The following MYLK variants were observed in gnomAD, a reference collection of about 807,000 sequenced individuals.
The protein encoded by MYLK is myosin light chain kinase, also known as myosin light chain kinase, smooth muscle.
A neutral mutation model predicts 203.4 loss-of-function variants in MYLK; 106 were observed. That is an observed-to-expected ratio of 0.52 (90% CI 0.45 to 0.61). The LOEUF (loss-of-function observed/expected upper bound fraction) is 0.61, where lower values mean the gene tolerates loss of function less well. MYLK is among the 20% of genes least tolerant of loss of function. MYLK has a pLI of 0.00. For synonymous variants in MYLK, 867 were observed against 959.5 expected (o/e 0.90, Z 1.78); for missense variants, 2,072 against 2,442.3 (o/e 0.85, Z 3.20).
chr3:123,708,884 G>A lies in MYLK; in HGVS notation c.1954C>T (p.Pro652Ser). The A allele has an allele frequency of 2.5e-6, 4 of 1,614,042 alleles. No individual in the cohort carries two copies. The highest frequency in any genetic ancestry group is 3.4e-6 in the Non-Finnish European group (4 of 1,179,926). Reference protein sequence around the residue: ...MTVQVSGNPPPEVIWLHNGNE... With the variant: ...MTVQVSGNPPSEVIWLHNGNE... ...CCATTGTGCAGCCAGATGACTTCAGGGGGTGGATTCCCTGAACCAGGAGGA... is the reference window on the plus strand; with the variant it reads ...CCATTGTGCAGCCAGATGACTTCAGAGGGTGGATTCCCTGAACCAGGAGGA... The change falls in exon 15 of 34, where the codon CCT becomes TCT. Residue 652 changes from proline to serine, a missense_variant. Pro to Ser is a moderately conservative substitution (Grantham distance 74). This residue lies in a region of MYLK where 865 missense variants were observed against 1,016.0 expected (regional missense o/e 0.85). Transcript: ENST00000360304.
At chr3:123,876,483 T>C (rs116634927) in intron 2 of MYLK, 76 bp downstream of exon 2, 1 of 152,316 alleles carries the variant, frequency 6.6e-6, no homozygotes, top group East Asian at 1.9e-4. Context: ...TGAGAAACTA[T>C]AAAGTGATAC....
At chr3:123,831,081 C>T (rs976675431) in intron 3 of MYLK, among the ~76,000 whole-genome samples, 1 of 152,130 alleles carries the variant, frequency 6.6e-6, no homozygotes, top group Admixed American at 6.5e-5. Flanking sequence ...CACAAAGTTC[C>T]ACCTGTGTTC....
intron 2 of MYLK, among the ~76,000 whole-genome samples, chr3:123,850,511 T>C (rs2148665516): frequency 6.6e-6 from 1 of 152,350 alleles, no homozygotes; most frequent in East Asian, 1.9e-4. Flanking sequence ...TGAGCATTTT[T>C]TCATTTGTCT....
rs758668701 is a variant in MYLK at position 123,629,387 on chromosome 3, G to A, written c.5114+87C>T. 3.5e-5 allele frequency: 53 copies of A among 1,526,446 alleles called. No individual in the cohort carries two copies. Among genetic ancestry groups the A allele is most frequent in the Non-Finnish European group, 4.7e-5 (52 of 1,107,934 alleles). 94.6% of individuals were successfully genotyped at this position (1,526,446 alleles called of 1,614,324 possible). A position where few individuals can be genotyped will look rare whatever the true frequency, so the allele number is the denominator to read the frequency against. On this transcript the variant is annotated intron_variant, in intron 30 of 33. Coordinates refer to ENST00000360304, the MANE Select transcript of MYLK (RefSeq NM_053025.4). This position sits in a 1 kb window ranked among gnomAD's most constrained non-coding sequence, Gnocchi z 4.4. ...GACCCAAGGCGGGGTGGCAAGGAGG[G>A]CACCCCAACAGGCAAAGGAATCCCC...
Position 123,640,387 on chromosome 3 carries a change from C to T in MYLK, c.4737G>A (p.Gln1579=), listed in dbSNP as rs753380379. 6.2e-7 allele frequency: 1 copy of T among 1,614,020 alleles called. No homozygotes were observed. Among genetic ancestry groups the T allele is most frequent in the East Asian group, 2.2e-5 (1 of 44,856 alleles). ...GCTTGAGGTCCAGGTGCACGATGCC[C>T]TGCTTGTGGATGTACTCCACTCCCT... ...ISEGVEYIHK[Q]GIVHLDLKPE... The change falls in exon 28 of 34, where the codon CAG becomes CAA. Residue 1579 remains glutamine, a synonymous_variant. Coordinates refer to ENST00000360304, the MANE Select transcript of MYLK (RefSeq NM_053025.4). The surrounding 1 kb of genome is among the most constrained non-coding windows in gnomAD (Gnocchi z 4.3).
chr3:123,618,074 A>C lies in MYLK; in HGVS notation c.5500+565T>G, dbSNP rs139453398. On this transcript the variant is annotated intron_variant, in intron 33 of 33. Coordinates refer to ENST00000360304, the MANE Select transcript of MYLK (RefSeq NM_053025.4). ...TCCCTTTGCTCTGTGACATCTTTAC[A>C]AGATCTAAAAGGTTCCCCCTTCTCA... The C allele has an allele frequency of 1.1e-3, 169 of 160,870 alleles. 1 individual carries two copies. The highest frequency in any genetic ancestry group is 9.4e-3 in the Middle Eastern group (3 of 320). The allele number at this position is 160,870 out of a possible 1,614,324, so 10.0% of individuals were successfully genotyped here.
chr3:123,820,688 C>CTCCT (rs1380306791), intron 3 of MYLK, among the ~76,000 whole-genome samples: 40 of 118,438 alleles, frequency 3.4e-4, no homozygotes, highest in African/African-American at 7.8e-4. Flanking sequence ...CCTTCCTTCC[C>CTCCT]TCCTTCCTTC....
At chr3:123,645,248 T>C (rs2058974989) in intron 27 of MYLK, among the ~76,000 whole-genome samples, 2 of 152,182 alleles carry the variant, frequency 1.3e-5, no homozygotes, top group South Asian at 4.1e-4. Context: ...TAGAATAACT[T>C]ACTCAAGGTC....
At chr3:123,652,597 C>T (rs750917103) in intron 24 of MYLK, among the ~76,000 whole-genome samples, 8 of 152,156 alleles carry the variant, frequency 5.3e-5, no homozygotes, top group East Asian at 1.9e-4. Context: ...GGGATGGGAG[C>T]GGTACAGGCT....
chr3:123,641,932 A>G (rs985422128), intron 27 of MYLK, among the ~76,000 whole-genome samples: 1 of 150,620 alleles, frequency 6.6e-6, no homozygotes, highest in African/African-American at 2.5e-5. Flanking sequence ...ATAGTTCAAC[A>G]TAACTTTGAA....
intron 16 of MYLK, among the ~76,000 whole-genome samples, chr3:123,706,885 G>A (rs171722): frequency 0.98 from 149,445 of 152,200 alleles, 73,427 homozygotes; most frequent in East Asian, 1. Flanking sequence ...GGGAAAGGTA[G>A]CCTCCCTGTG....
At position 123,682,368 on chromosome 3, in the gene MYLK, G is replaced by C. The variant is rs909933227; in HGVS notation, c.3566-58C>G. The C allele has an allele frequency of 1.8e-5, 25 of 1,358,882 alleles. No individual in the cohort carries two copies. In the Admixed American group the frequency reaches 3.9e-4, roughly 21 times the overall value. The allele number at this position is 1,358,882 out of a possible 1,614,324, so 84.2% of individuals were successfully genotyped here. A position where few individuals can be genotyped will look rare whatever the true frequency, so the allele number is the denominator to read the frequency against. ...AGCTGCTGAGGAAATGAGCAAAGGG[G>C]GTCTCTCAGTCAAAATCCCACCTCA... On this transcript the variant is annotated intron_variant, in intron 19 of 33. Coordinates refer to ENST00000360304, the MANE Select transcript of MYLK (RefSeq NM_053025.4).
Position 123,614,175 on chromosome 3 carries a change from G to T in MYLK, c.5675C>A (p.Thr1892Asn). 6.2e-7 allele frequency: 1 copy of T among 1,613,974 alleles called. No homozygotes were observed. Among genetic ancestry groups the T allele is most frequent in the Non-Finnish European group, 8.5e-7 (1 of 1,180,004 alleles). The change falls in exon 34 of 34, where the codon ACC becomes AAC. Residue 1892 changes from threonine to asparagine, a missense_variant. By Grantham distance (65) the Thr-to-Asn change is moderately conservative. Transcript: ENST00000360304. ...TTCCACAATGAGCTCTGCTGTGCAGGTGGCTTCTCCAAGACTGTTGACAGC... is the reference window on the plus strand; with the variant it reads ...TTCCACAATGAGCTCTGCTGTGCAGTTGGCTTCTCCAAGACTGTTGACAGC... ...CKAVNSLGEA[T>N]CTAELIVETM...
intron 19 of MYLK, among the ~76,000 whole-genome samples, chr3:123,689,334 T>C (rs941249242): frequency 6.6e-6 from 1 of 152,126 alleles, no homozygotes; most frequent in African/African-American, 2.4e-5. Flanking sequence ...GGAAAGGGGT[T>C]ACTGAGTCCC....
chr3:123,840,094 A>C (rs12632814), intron 2 of MYLK, among the ~76,000 whole-genome samples: 11,479 of 152,156 alleles, frequency 0.075, 727 homozygotes, highest in East Asian at 0.36. Context: ...TTAGTAAAGA[A>C]GGAAAGTATT....
At chr3:123,883,808 C>A (rs2148738093) in intron 1 of MYLK, among the ~76,000 whole-genome samples, 1 of 152,278 alleles carries the variant, frequency 6.6e-6, no homozygotes, top group East Asian at 1.9e-4. Flanking sequence ...GCCCTACCTT[C>A]CCGGAATCAC....
intron 3 of MYLK, among the ~76,000 whole-genome samples, chr3:123,828,812 A>G (rs2066226820): frequency 6.6e-6 from 1 of 152,232 alleles, no homozygotes; most frequent in African/African-American, 2.4e-5. Flanking sequence ...ATTTCTCAAA[A>G]GAAGAAATAT....
intron 2 of MYLK, among the ~76,000 whole-genome samples, chr3:123,841,064 G>A (rs1210193332): frequency 6.6e-6 from 1 of 152,074 alleles, no homozygotes; most frequent in Non-Finnish European, 1.5e-5. Context: ...TCCAGAAAGA[G>A]CTTGTTACAT....
chr3:123,619,803 A>C (rs1344047262), intron 32 of MYLK, among the ~76,000 whole-genome samples: 1 of 152,260 alleles, frequency 6.6e-6, no homozygotes, highest in East Asian at 1.9e-4. Flanking sequence ...AAGATGGTAG[A>C]AAATAGAATA....
Sources: gnomAD v4.1 joint callset for allele counts (sites outside exome capture counted in the v4.1 genomes callset) on GRCh38, gnomAD v4.1.1 for gene constraint, gnomAD v4.1.1 regional missense constraint, Gnocchi (gnomAD v3.1) non-coding constraint, MANE v1.5 for transcripts, NCBI Gene and HGNC (gene_info 2026-07-23, HGNC 2026-07-21) for gene names.